KCNK5: variants seen among roughly 807,000 people sequenced by gnomAD.
The protein encoded by KCNK5 is potassium two pore domain channel subfamily K member 5, also known as potassium channel subfamily K member 5.
A neutral mutation model predicts 32.9 loss-of-function variants in KCNK5; 18 were observed. The ratio of observed to expected loss-of-function variants is 0.55; its 90% CI spans 0.38 to 0.81. The LOEUF is 0.81. Among genes scored for constraint, KCNK5 ranks in the 30% least tolerant of loss-of-function variants. The pLI is 0.00. For missense variants in KCNK5, 507 were observed against 651.0 expected (o/e 0.78, Z 2.41); for synonymous variants, 276 against 275.3 (o/e 1.00, Z -0.03).
At chr6:39,203,132 AGAAGGACTAGG>A (rs1771161267) in intron 1 of KCNK5, among the ~76,000 whole-genome samples, 1 of 152,186 alleles carries the variant, frequency 6.6e-6, no homozygotes, top group Non-Finnish European at 1.5e-5. Context: ...CAAGCAGTAG[AGAAGGACTAGG>A]GATTTCAAGC....
At position 39,229,216 on chromosome 6, in the gene KCNK5, C is replaced by G; in HGVS notation, c.-105G>C. The G allele has an allele frequency of 8.4e-7, 1 of 1,195,770 alleles. No individual in the cohort carries two copies. The highest frequency in any genetic ancestry group is 1.4e-5 in the South Asian group (1 of 70,438). 74.1% of individuals were successfully genotyped at this position (1,195,770 alleles called of 1,614,324 possible). ...AAACAGCTGTTTGAATTTGGAGCTC[C>G]GCATGCGCAGTGCCCGGTACTCACC... On this transcript the variant is annotated 5_prime_UTR_variant, in exon 1 of 5. Transcript: ENST00000359534.
chr6:39,223,780 C>T (rs930050700), intron 1 of KCNK5, among the ~76,000 whole-genome samples: 16 of 152,296 alleles, frequency 1.1e-4, no homozygotes, highest in Admixed American at 2.6e-4. Context: ...GCCTTTGGCC[C>T]GAGGTCAGGG....
intron 1 of KCNK5, among the ~76,000 whole-genome samples, chr6:39,207,753 G>A (rs1771255292): frequency 6.6e-6 from 1 of 152,110 alleles, no homozygotes; most frequent in Non-Finnish European, 1.5e-5. Context: ...CAGTGGGAAG[G>A]AAGGATGCTC....
At chr6:39,207,865 C>T (rs1258163376) in intron 1 of KCNK5, among the ~76,000 whole-genome samples, 1 of 152,120 alleles carries the variant, frequency 6.6e-6, no homozygotes, top group African/African-American at 2.4e-5. Context: ...GGACAAGTCT[C>T]ACCACCGCCA....
At chr6:39,207,986 C>T (rs1771259389) in intron 1 of KCNK5, among the ~76,000 whole-genome samples, 1 of 152,100 alleles carries the variant, frequency 6.6e-6, no homozygotes, top group Non-Finnish European at 1.5e-5. Context: ...GCTGACACTA[C>T]CCTACCTCTT....
rs946346855 is a variant in KCNK5, at chr6:39,191,044, G to C, written c.1346C>G (p.Pro449Arg). The C allele has an allele frequency of 7.9e-5, 127 of 1,610,596 alleles. 1 individual carries two copies. Among genetic ancestry groups the C allele is most frequent in the Non-Finnish European group, 1.1e-4 (124 of 1,178,402 alleles). ...LEDNLAGEES[P>R]QQGAEAKAPL... ...CGCCTTGGCTTCAGCCCCCTGCTGG[G>C]GGCTCTCCTCCCCTGCCAAGTTGTC... Residue 449 changes from proline (P) to arginine (R), a missense_variant, in exon 5 of 5, where the codon CCC becomes CGC. Pro to Arg is a moderately radical substitution (Grantham distance 103). Around this residue, in one of 6 missense-constraint regions of KCNK5, gnomAD observed 252 missense variants for 250.8 expected, o/e 1.00. Transcript: ENST00000359534. This position sits in a 1 kb window ranked among gnomAD's most constrained non-coding sequence, Gnocchi z 5.8.
chr6:39,191,721 G>A lies in KCNK5; in HGVS notation c.669C>T (p.Tyr223=), dbSNP rs763936853. Residue 223 remains tyrosine (Y), a synonymous_variant, in exon 5 of 5, where the codon TAC becomes TAT. Transcript: ENST00000359534. This position sits in a 1 kb window ranked among gnomAD's most constrained non-coding sequence, Gnocchi z 5.8. ...VNPSANYHAL[Y]RYFVELWIYL... ...AGATCCAGAGCTCCACGAAGTAGCGGTACAGGGCGTGGTAGTTGGCGCTGG... is the reference window on the plus strand; with the variant it reads ...AGATCCAGAGCTCCACGAAGTAGCGATACAGGGCGTGGTAGTTGGCGCTGG... 6 of 1,613,842 alleles carry A rather than the reference G, an allele frequency of 3.7e-6. No homozygotes were observed. The highest frequency in any genetic ancestry group is 5.1e-6 in the Non-Finnish European group (6 of 1,179,842).
intron 1 of KCNK5, among the ~76,000 whole-genome samples, chr6:39,198,321 G>A (rs1207655849): frequency 6.6e-6 from 1 of 152,192 alleles, no homozygotes; most frequent in Non-Finnish European, 1.5e-5. Context: ...CCACCATCAT[G>A]CTTAAGGCCT....
chr6:39,227,121 C>G (rs1771687379), intron 1 of KCNK5, among the ~76,000 whole-genome samples: 1 of 150,484 alleles, frequency 6.6e-6, no homozygotes, highest in South Asian at 2.1e-4. Flanking sequence ...CCCCCCCCGC[C>G]GTATGCCCCG....
chr6:39,224,406 C>T (rs1435003990), intron 1 of KCNK5, among the ~76,000 whole-genome samples: 2 of 152,184 alleles, frequency 1.3e-5, no homozygotes, highest in Non-Finnish European at 2.9e-5. Flanking sequence ...TCAATGTACC[C>T]CATTCTAAGC....
chr6:39,223,806 AT>A (rs1352895153), intron 1 of KCNK5, among the ~76,000 whole-genome samples: 10 of 152,206 alleles, frequency 6.6e-5, no homozygotes, highest in African/African-American at 2.4e-4. Context: ...CAAGCACAGC[AT>A]CCAAAACCGG....
intron 1 of KCNK5, among the ~76,000 whole-genome samples, chr6:39,205,314 A>T (rs1277737137): frequency 6.6e-6 from 1 of 152,052 alleles, no homozygotes; most frequent in Non-Finnish European, 1.5e-5. Flanking sequence ...GGGCCTGGGG[A>T]GCAGGAAAGA....
At chr6:39,222,124 C>T (rs1771562947) in intron 1 of KCNK5, among the ~76,000 whole-genome samples, 1 of 152,188 alleles carries the variant, frequency 6.6e-6, no homozygotes, top group Non-Finnish European at 1.5e-5. Flanking sequence ...AACTGGAGCA[C>T]ACCACCCCCA....
intron 1 of KCNK5, among the ~76,000 whole-genome samples, chr6:39,217,358 G>A (rs905392825): frequency 2.6e-5 from 4 of 152,070 alleles, no homozygotes; most frequent in African/African-American, 9.7e-5. Flanking sequence ...AGGAGGAGAT[G>A]CTGGCGGGTC....
intron 1 of KCNK5, among the ~76,000 whole-genome samples, chr6:39,220,459 C>T (rs1771524842): frequency 6.6e-6 from 1 of 152,152 alleles, no homozygotes. Flanking sequence ...CCTGGGTAAC[C>T]ATCATCCCAG....
At chr6:39,214,882 G>T (rs74556211) in intron 1 of KCNK5, among the ~76,000 whole-genome samples, 1 of 152,188 alleles carries the variant, frequency 6.6e-6, no homozygotes, top group Non-Finnish European at 1.5e-5. Context: ...AATATGCATT[G>T]CATGGTGATA....
chr6:39,229,163 A>G lies in KCNK5; in HGVS notation c.-52T>C, dbSNP rs1446926398. The G allele has an allele frequency of 6.3e-6, 10 of 1,583,328 alleles. No homozygotes were observed. The Middle Eastern group carries it at 5.8e-4, about 91-fold the overall frequency. On this transcript the variant is annotated 5_prime_UTR_variant, in exon 1 of 5. It removes the in-frame stop codon of an upstream open reading frame in the 5' UTR. Coordinates refer to ENST00000359534, the MANE Select transcript of KCNK5 (RefSeq NM_003740.4). ...AAAGCCTCTCCTAGCCCCAGCTGCT[A>G]CCAGTCCGCCCGCCCTCCAGCCTCT...
intron 1 of KCNK5, among the ~76,000 whole-genome samples, chr6:39,199,563 G>T (rs1771094261): frequency 6.6e-6 from 1 of 152,194 alleles, no homozygotes; most frequent in Non-Finnish European, 1.5e-5. Context: ...AAGACCCAGT[G>T]GTGGCAATTA....
At position 39,216,128 on chromosome 6, in the gene KCNK5, C is replaced by CA. The variant is rs572849594; in HGVS notation, c.186+12797dup. On this transcript the variant is annotated intron_variant, in intron 1 of 4. Coordinates refer to ENST00000359534, the MANE Select transcript of KCNK5 (RefSeq NM_003740.4). ...CGAAACCCTGTCTCTACTAAAAATA[C>CA]AAAAAAATTTGCAGGGTGTGGTGGT... Among the ~76,000 whole-genome samples, 395 of 152,054 alleles carry CA rather than the reference C, an allele frequency of 2.6e-3. 3 individuals are homozygous for CA. Among genetic ancestry groups the CA allele is most frequent in the African/African-American group, 9.1e-3 (376 of 41,472 alleles).
Sources: gnomAD v4.1 joint callset for allele counts (sites outside exome capture counted in the v4.1 genomes callset) on GRCh38, gnomAD v4.1.1 for gene constraint, gnomAD v4.1.1 regional missense constraint, Gnocchi (gnomAD v3.1) non-coding constraint, MANE v1.5 for transcripts, NCBI Gene and HGNC (gene_info 2026-07-23, HGNC 2026-07-21) for gene names.